Variants in LINGO2 observed in about 807,000 individuals in gnomAD.
LINGO2 encodes the protein leucine rich repeat and Ig domain containing 2.
In LINGO2, 14 loss-of-function variants were observed where a neutral mutation model predicts 30.6. The ratio of observed to expected loss-of-function variants is 0.46; its 90% CI spans 0.30 to 0.72. The LOEUF (loss-of-function observed/expected upper bound fraction) is 0.72. LINGO2 is among the 30% of genes least tolerant of loss of function. The probability of loss-of-function intolerance (pLI) is 0.07; values close to 1 mark genes in which losing one functional copy is unlikely to be tolerated. For synonymous variants in LINGO2, 317 were observed against 288.5 expected (o/e 1.10, Z -1.00); for missense variants, 729 against 751.7 (o/e 0.97, Z 0.35).
At chr9:28,902,409 A>AG in the LINGO2 span, among the ~76,000 whole-genome samples, 15 of 152,242 alleles carry the variant, frequency 9.9e-5, no homozygotes, top group African/African-American at 3.6e-4. Context: ...AAACACTGTG[A>AG]GGGGGAGATA....
At chr9:28,248,166 CA>C (rs1448101909) in intron 4 of LINGO2, among the ~76,000 whole-genome samples, 1 of 152,162 alleles carries the variant, frequency 6.6e-6, no homozygotes, top group Non-Finnish European at 1.5e-5. Context: ...CTATGTTTAT[CA>C]CAGCACTGTT....
the LINGO2 span, among the ~76,000 whole-genome samples, chr9:28,775,321 T>C: frequency 1.3e-5 from 2 of 152,182 alleles, no homozygotes; most frequent in African/African-American, 4.8e-5. Flanking sequence ...GTTCACTCCC[T>C]TCAAACAGGG....
At chr9:29,085,725 T>C in the LINGO2 span, among the ~76,000 whole-genome samples, 6 of 152,152 alleles carry the variant, frequency 3.9e-5, no homozygotes, top group African/African-American at 1.4e-4. Flanking sequence ...CCCCAATACT[T>C]TGTATACAGA....
At chr9:28,746,240 T>C in the LINGO2 span, among the ~76,000 whole-genome samples, 13 of 152,056 alleles carry the variant, frequency 8.5e-5, no homozygotes. Flanking sequence ...GAATCTTCTT[T>C]TGATTCATAA....
chr9:27,962,818 G>A (rs576818668), intron 5 of LINGO2, among the ~76,000 whole-genome samples: 1 of 152,212 alleles, frequency 6.6e-6, no homozygotes, highest in African/African-American at 2.4e-5. Context: ...AATAAAGCAG[G>A]AAGCTAAAAT....
At chr9:29,130,908 C>T in the LINGO2 span, among the ~76,000 whole-genome samples, 2 of 152,148 alleles carry the variant, frequency 1.3e-5, no homozygotes, top group Admixed American at 1.3e-4. Flanking sequence ...CCTGTGATAC[C>T]TGAAGCCTGA....
intron 1 of LINGO2, among the ~76,000 whole-genome samples, chr9:28,641,263 C>A (rs746320366): frequency 1.3e-5 from 2 of 152,124 alleles, no homozygotes; most frequent in African/African-American, 4.8e-5. Context: ...GTCTCGATCT[C>A]CTGACCTCAT....
chr9:28,110,126 CA>C (rs1826729608), intron 4 of LINGO2, among the ~76,000 whole-genome samples: 1 of 152,044 alleles, frequency 6.6e-6, no homozygotes, highest in Non-Finnish European at 1.5e-5. Flanking sequence ...ACAAACTTGA[CA>C]AAAACAAGCA....
chr9:27,971,260 GTTT>G (rs1346527473), intron 5 of LINGO2, among the ~76,000 whole-genome samples: 1 of 148,844 alleles, frequency 6.7e-6, no homozygotes, highest in Admixed American at 6.7e-5. Flanking sequence ...TATTTCTTCT[GTTT>G]TTTTCTTATT....
chr9:28,546,093 C>A (rs1451864633), intron 1 of LINGO2, among the ~76,000 whole-genome samples: 2 of 151,846 alleles, frequency 1.3e-5, no homozygotes, highest in Non-Finnish European at 2.9e-5. Context: ...AGAAGTTGAA[C>A]CAGTGGTACT....
At chr9:28,779,271 G>A in the LINGO2 span, among the ~76,000 whole-genome samples, 1 of 152,104 alleles carries the variant, frequency 6.6e-6, no homozygotes, top group African/African-American at 2.4e-5. Context: ...ATGATTGATA[G>A]GTTAGCACTT....
At chr9:28,794,817 TTTC>T in the LINGO2 span, among the ~76,000 whole-genome samples, 2 of 151,514 alleles carry the variant, frequency 1.3e-5, no homozygotes, top group Non-Finnish European at 2.9e-5. Context: ...ATAAATTTTT[TTTC>T]TTTTCTTTTT....
At chr9:28,019,320 T>TTG (rs72096474) in intron 4 of LINGO2, among the ~76,000 whole-genome samples, 19 of 100 alleles carry the variant, frequency 0.19, no homozygotes, top group South Asian at 0.5. Context: ...GGAATATATG[T>TTG]TTTTTTTTTT....
At chr9:28,667,965 A>G (rs1339342958) in intron 1 of LINGO2, among the ~76,000 whole-genome samples, 3 of 152,152 alleles carry the variant, frequency 2.0e-5, no homozygotes, top group Admixed American at 2.0e-4. Flanking sequence ...TAGTCATCAC[A>G]CTGGTGACAC....
chr9:28,896,904 C>A, the LINGO2 span, among the ~76,000 whole-genome samples: 3 of 151,944 alleles, frequency 2.0e-5, no homozygotes, highest in Admixed American at 1.3e-4. Flanking sequence ...CTGTGACATA[C>A]CTAAGTGTAA....
At chr9:28,170,044 T>C (rs1828538286) in intron 4 of LINGO2, among the ~76,000 whole-genome samples, 1 of 152,192 alleles carries the variant, frequency 6.6e-6, no homozygotes, top group South Asian at 2.1e-4. Context: ...CCGACAACAA[T>C]GGAAGTTCCA....
At chr9:28,432,440 G>T (rs1373074294) in intron 2 of LINGO2, among the ~76,000 whole-genome samples, 1 of 151,596 alleles carries the variant, frequency 6.6e-6, no homozygotes, top group East Asian at 1.9e-4. Flanking sequence ...TATTTCAACT[G>T]CAATTTCAAG....
At chr9:28,431,828 A>T (rs1287385458) in intron 2 of LINGO2, among the ~76,000 whole-genome samples, 3 of 152,112 alleles carry the variant, frequency 2.0e-5, no homozygotes, top group Non-Finnish European at 4.4e-5. Context: ...ATTTAGGCTG[A>T]TTTCTCCTCA....
At chr9:28,250,018 C>A (rs1256597095) in intron 4 of LINGO2, among the ~76,000 whole-genome samples, 1 of 152,018 alleles carries the variant, frequency 6.6e-6, no homozygotes, top group Admixed American at 6.6e-5. Context: ...CATTCTCAGA[C>A]ATGAAAAACC....
Sources: gnomAD v4.1 joint callset for allele counts (sites outside exome capture counted in the v4.1 genomes callset) on GRCh38, gnomAD v4.1.1 for gene constraint, MANE v1.5 for transcripts, NCBI Gene and HGNC (gene_info 2026-07-23, HGNC 2026-07-21) for gene names.